NRXN3: variants seen among roughly 807,000 people sequenced by gnomAD.
NRXN3 encodes the protein neurexin 3.
Under a neutral mutation model 137.6 loss-of-function variants are expected in NRXN3, and 32 were observed. The observed-to-expected ratio is 0.23, with a 90% confidence interval of 0.18 to 0.31. The LOEUF is 0.31. NRXN3 is among the 10% of genes least tolerant of loss of function. The pLI is 1.00. For missense variants in NRXN3, 1,574 were observed against 2,062.5 expected, an observed-to-expected ratio of 0.76 and a Z score of 4.59; for synonymous variants, 798 against 784.5, an observed-to-expected ratio of 1.02 and a Z score of -0.29.
intron 8 of NRXN3, among the ~76,000 whole-genome samples, chr14:78,765,688 C>T (rs1391300584): frequency 3.3e-5 from 5 of 151,956 alleles, no homozygotes; most frequent in African/African-American, 1.2e-4. Context: ...CTGGTTAAAG[C>T]ATTTTCATTA....
chr14:79,826,305 T>G (rs1281437219), intron 20 of NRXN3, among the ~76,000 whole-genome samples: 1 of 152,150 alleles, frequency 6.6e-6, no homozygotes, highest in East Asian at 1.9e-4. Context: ...AGATTTTTTT[T>G]TTAAACCTTG....
intron 10 of NRXN3, among the ~76,000 whole-genome samples, chr14:78,928,431 C>CTAA (rs1051684931): frequency 3.3e-5 from 5 of 152,172 alleles, no homozygotes; most frequent in African/African-American, 1.2e-4. Context: ...GGTATATCTC[C>CTAA]TAATTCTATC....
In NRXN3 at chr14:78,777,767, A is replaced by T. The variant is rs72685439; in HGVS notation, c.2045-25853A>T. 6.8e-4 allele frequency among the ~76,000 whole-genome samples: 104 copies of T among 151,986 alleles called. No homozygotes were observed. In the South Asian group the frequency reaches 9.4e-3, roughly 14 times the overall value. On this transcript the variant is annotated intron_variant, in intron 8 of 20. Coordinates refer to ENST00000335750, the MANE Select transcript of NRXN3 (RefSeq NM_001330195.2). ...GATTTAGGCGGAAGGATTTTTTTTT[A>T]AAAATTTATTTTTGAGACAGAGTCT...
intron 16 of NRXN3, among the ~76,000 whole-genome samples, chr14:79,546,699 G>A (rs2097324245): frequency 6.6e-6 from 1 of 152,118 alleles, no homozygotes; most frequent in Admixed American, 6.6e-5. Flanking sequence ...CGCAAGTGGT[G>A]GATAGATTTT....
At chr14:78,230,328 GTCTCTCTCTCTC>G (rs112795410) in intron 1 of NRXN3, among the ~76,000 whole-genome samples, 290 of 148,816 alleles carry the variant, frequency 1.9e-3, no homozygotes, top group Non-Finnish European at 3.1e-3. Context: ...GTCTCTGTCT[GTCTCTCTCTCTC>G]TCTCTCTCTC....
chr14:79,143,655 A>C (rs183955696), intron 15 of NRXN3, among the ~76,000 whole-genome samples: 1 of 152,356 alleles, frequency 6.6e-6, no homozygotes, highest in Admixed American at 6.5e-5. Context: ...GATTGCTTTA[A>C]GATCTGGAAG....
intron 15 of NRXN3, chr14:79,199,989 C>G (rs1454529485): frequency 2.0e-5 from 3 of 152,066 alleles, no homozygotes; most frequent in Admixed American, 2.0e-4. Flanking sequence ...TATAATAGAA[C>G]AAGAATTGAG....
At chr14:79,245,893 G>A (rs780456632) in intron 15 of NRXN3, among the ~76,000 whole-genome samples, 8 of 152,142 alleles carry the variant, frequency 5.3e-5, no homozygotes, top group Non-Finnish European at 7.4e-5. Flanking sequence ...AAGGGAAAGA[G>A]GAAGGAGTAC....
intron 15 of NRXN3, among the ~76,000 whole-genome samples, chr14:79,351,809 A>G (rs1379089122): frequency 1.3e-5 from 2 of 152,218 alleles, no homozygotes; most frequent in African/African-American, 4.8e-5. Context: ...TGCAGAGTGC[A>G]TATTTTAACT....
At chr14:78,766,612 T>C (rs1276886133) in intron 8 of NRXN3, among the ~76,000 whole-genome samples, 3 of 152,172 alleles carry the variant, frequency 2.0e-5, no homozygotes, top group East Asian at 3.9e-4. Flanking sequence ...ATTGTCTTCT[T>C]CGGATTCCAT....
intron 19 of NRXN3, among the ~76,000 whole-genome samples, chr14:79,719,297 G>GTATA (rs5809956): frequency 3.7e-5 from 1 of 27,290 alleles, no homozygotes; most frequent in Non-Finnish European, 7.5e-5. Flanking sequence ...GTATGTATGT[G>GTATA]TATATGTATG....
chr14:78,683,315 T>C (rs188645902), intron 6 of NRXN3, among the ~76,000 whole-genome samples: 1 of 152,336 alleles, frequency 6.6e-6, no homozygotes, highest in African/African-American at 2.4e-5. Context: ...TTCTAGAGAA[T>C]TAAAAATGTG....
At chr14:78,318,911 G>A (rs139519935) in intron 4 of NRXN3, among the ~76,000 whole-genome samples, 7 of 152,340 alleles carry the variant, frequency 4.6e-5, no homozygotes, top group African/African-American at 1.7e-4. Context: ...ACAATCTAAT[G>A]TGCACCCGAA....
At chr14:78,525,678 T>C (rs1450001855) in intron 4 of NRXN3, among the ~76,000 whole-genome samples, 1 of 152,220 alleles carries the variant, frequency 6.6e-6, no homozygotes, top group Non-Finnish European at 1.5e-5. Flanking sequence ...ACCCCTGAGA[T>C]GGGTGTAACC....
intron 4 of NRXN3, among the ~76,000 whole-genome samples, chr14:78,509,946 G>T (rs1018576229): frequency 1.3e-5 from 2 of 151,898 alleles, no homozygotes; most frequent in Admixed American, 6.6e-5. Flanking sequence ...CTGAGACTCA[G>T]AACAGGATGG....
intron 15 of NRXN3, among the ~76,000 whole-genome samples, chr14:79,193,326 T>C (rs1410511374): frequency 6.6e-6 from 1 of 152,198 alleles, no homozygotes; most frequent in Admixed American, 6.5e-5. Flanking sequence ...GGCAAGAGAT[T>C]GGTTAGAGAG....
In NRXN3 at chr14:79,567,622, T is replaced by A. The variant is rs144338096; in HGVS notation, c.3445-96156T>A. On this transcript the variant is annotated intron_variant, in intron 16 of 20. Coordinates refer to ENST00000335750, the MANE Select transcript of NRXN3 (RefSeq NM_001330195.2). ...CTCTTGGTGTGTGACTGTTGGAACA[T>A]CTGCTGATTCCTCCTTCTACGTTCG... Among the ~76,000 whole-genome samples, 792 of 152,314 alleles carry A rather than the reference T, an allele frequency of 5.2e-3. 6 individuals carry two copies. Among genetic ancestry groups the A allele is most frequent in the African/African-American group, 0.018 (755 of 41,574 alleles).
chr14:78,953,011 C>A (rs2099389941), intron 10 of NRXN3, among the ~76,000 whole-genome samples: 1 of 152,170 alleles, frequency 6.6e-6, no homozygotes, highest in Non-Finnish European at 1.5e-5. Flanking sequence ...CATTGACAAA[C>A]ACGTGTATGT....
chr14:79,470,108 G>T (rs2153618391), intron 16 of NRXN3, among the ~76,000 whole-genome samples: 1 of 152,192 alleles, frequency 6.6e-6, no homozygotes, highest in African/African-American at 2.4e-5. Flanking sequence ...GAGCTTTGGG[G>T]CCATTAATGA....
Sources: gnomAD v4.1 joint callset for allele counts (sites outside exome capture counted in the v4.1 genomes callset) on GRCh38, gnomAD v4.1.1 for gene constraint, MANE v1.5 for transcripts, NCBI Gene and HGNC (gene_info 2026-07-23, HGNC 2026-07-21) for gene names.